Variants in SAMD12 observed in about 807,000 individuals in gnomAD.
SAMD12 encodes the protein sterile alpha motif domain containing 12.
SAMD12 carries 9 observed loss-of-function variants against 15.0 expected under a neutral mutation model. That is an observed-to-expected ratio of 0.60 (90% CI 0.36 to 1.05). SAMD12 has a LOEUF of 1.05. SAMD12 is among the 50% of genes least tolerant of loss of function. The probability of loss-of-function intolerance (pLI) is 0.01; values close to 1 mark genes in which losing one functional copy is unlikely to be tolerated. For missense variants in SAMD12, 230 were observed against 234.2 expected (o/e 0.98, Z 0.12); for synonymous variants, 86 against 90.1 (o/e 0.96, Z 0.25).
At chr8:118,606,421 G>C (rs1285131418) in intron 1 of SAMD12, among the ~76,000 whole-genome samples, 1 of 152,120 alleles carries the variant, frequency 6.6e-6, no homozygotes, top group Non-Finnish European at 1.5e-5. Flanking sequence ...TGTTCCAGCT[G>C]CCAGTGCATC....
intron 4 of SAMD12, among the ~76,000 whole-genome samples, chr8:118,353,908 C>T (rs979079294): frequency 2.6e-5 from 4 of 152,158 alleles, no homozygotes; most frequent in African/African-American, 4.8e-5. Context: ...ACCCCGCTTG[C>T]GCCTGACAGT....
At chr8:118,487,807 T>G (rs2131006944) in intron 2 of SAMD12, among the ~76,000 whole-genome samples, 1 of 152,266 alleles carries the variant, frequency 6.6e-6, no homozygotes, top group Middle Eastern at 3.4e-3. Context: ...TAGGTCCACT[T>G]TTCTCTCGAT....
chr8:118,214,688 A>C (rs1323019436), intron 4 of SAMD12, among the ~76,000 whole-genome samples: 1 of 152,234 alleles, frequency 6.6e-6, no homozygotes, highest in African/African-American at 2.4e-5. Flanking sequence ...AAAGTCATTT[A>C]AGTTAACTTA....
At chr8:118,263,723 G>A (rs1038673992) in intron 4 of SAMD12, among the ~76,000 whole-genome samples, 1 of 152,112 alleles carries the variant, frequency 6.6e-6, no homozygotes, top group African/African-American at 2.4e-5. Context: ...TACAATGGAA[G>A]AATTGTATAT....
At chr8:118,413,863 T>C (rs1313353180) in intron 3 of SAMD12, among the ~76,000 whole-genome samples, 1 of 145,428 alleles carries the variant, frequency 6.9e-6, no homozygotes, top group African/African-American at 2.6e-5. Flanking sequence ...GTCATTTCTA[T>C]TACTTCAAAT....
chr8:118,177,351 C>G, the SAMD12 span, among the ~76,000 whole-genome samples: 66 of 151,920 alleles, frequency 4.3e-4, no homozygotes, highest in Middle Eastern at 6.8e-3. Context: ...AGCCATCATC[C>G]TGTTTCAGCC....
intron 2 of SAMD12, among the ~76,000 whole-genome samples, chr8:118,533,458 A>C (rs908786020): frequency 7.9e-5 from 12 of 152,230 alleles, no homozygotes; most frequent in African/African-American, 2.6e-4. Flanking sequence ...TATTAGGTCC[A>C]CTTGGTGCAG....
In SAMD12 at chr8:118,379,534, C is replaced by A. The variant is rs781362790; in HGVS notation, c.489G>T (p.Trp163Cys). 6.2e-7 allele frequency: 1 copy of A among 1,613,868 alleles called. No homozygotes were observed. Among genetic ancestry groups the A allele is most frequent in the Non-Finnish European group, 8.5e-7 (1 of 1,179,808 alleles). The change falls in exon 4 of 4, where the codon TGG becomes TGT. Residue 163 changes from tryptophan (W) to cysteine (C), a missense_variant. Coordinates refer to ENST00000314727, the MANE Select transcript of SAMD12 (RefSeq NM_207506.3). ...TCTTTCTTCTAATCTCCCCATCCAT[C>A]CACCCATCAGGAAGCAATAGGGTAC... ...TQGTLLLPDG[W>C]MDGEIRRKTT...
chr8:118,392,145 T>G lies in SAMD12; in HGVS notation c.323-12445A>C, dbSNP rs181385571. ...GCGGTAAGCACAATAAAAAGTACTG[T>G]TGGCTGGGCGCAGTGGCTCACGCCT... On this transcript the variant is annotated intron_variant, in intron 3 of 3. Coordinates refer to ENST00000314727, the MANE Select transcript of SAMD12 (RefSeq NM_207506.3). 4.5e-4 allele frequency among the ~76,000 whole-genome samples: 69 copies of G among 152,296 alleles called. 1 individual carries two copies. Among genetic ancestry groups the G allele is most frequent in the African/African-American group, 1.5e-3 (61 of 41,580 alleles).
At chr8:118,161,310 G>A in the SAMD12 span, among the ~76,000 whole-genome samples, 13 of 152,264 alleles carry the variant, frequency 8.5e-5, no homozygotes, top group East Asian at 7.7e-4. Context: ...AAGACACTGC[G>A]TGTTGGCTCA....
chr8:118,530,907 T>C (rs1825667280), intron 2 of SAMD12, among the ~76,000 whole-genome samples: 1 of 152,188 alleles, frequency 6.6e-6, no homozygotes, highest in African/African-American at 2.4e-5. Context: ...AGTGATGCAA[T>C]CATAGCACAC....
intron 1 of SAMD12, among the ~76,000 whole-genome samples, chr8:118,603,240 A>C (rs1827902162): frequency 6.6e-6 from 1 of 152,200 alleles, no homozygotes; most frequent in Non-Finnish European, 1.5e-5. Context: ...AAACAATCCC[A>C]GAAATGAACA....
chr8:118,344,894 A>G (rs1445011959), intron 4 of SAMD12, among the ~76,000 whole-genome samples: 3 of 152,228 alleles, frequency 2.0e-5, no homozygotes, highest in Non-Finnish European at 4.4e-5. Flanking sequence ...CTTATCACCT[A>G]GTAACATCAT....
chr8:118,514,606 C>T (rs1396183465), intron 2 of SAMD12, among the ~76,000 whole-genome samples: 1 of 152,186 alleles, frequency 6.6e-6, no homozygotes, highest in Non-Finnish European at 1.5e-5. Flanking sequence ...AATCATTATG[C>T]TCTTCGCACA....
At chr8:118,140,542 G>C in the SAMD12 span, among the ~76,000 whole-genome samples, 5 of 152,330 alleles carry the variant, frequency 3.3e-5, no homozygotes, top group Non-Finnish European at 5.9e-5. Flanking sequence ...AAAGTGCTGA[G>C]ATTATAGGTG....
chr8:118,577,374 T>A (rs1190534685), intron 2 of SAMD12, among the ~76,000 whole-genome samples: 1 of 152,120 alleles, frequency 6.6e-6, no homozygotes, highest in African/African-American at 2.4e-5. Context: ...ATGAAAGCAA[T>A]ACAAATTTCA....
At chr8:118,241,924 T>A (rs575583569) in intron 4 of SAMD12, among the ~76,000 whole-genome samples, 1 of 152,250 alleles carries the variant, frequency 6.6e-6, no homozygotes, top group South Asian at 2.1e-4. Context: ...TGTATTTATT[T>A]ATTTGGAGAC....
At chr8:118,200,757 T>C (rs1242924411) in intron 4 of SAMD12, among the ~76,000 whole-genome samples, 1 of 152,254 alleles carries the variant, frequency 6.6e-6, no homozygotes, top group Admixed American at 6.5e-5. Context: ...GGTCCCCATT[T>C]ACTCAGGCTG....
At chr8:118,495,203 G>A (rs1824573980) in intron 2 of SAMD12, among the ~76,000 whole-genome samples, 1 of 152,186 alleles carries the variant, frequency 6.6e-6, no homozygotes, top group Non-Finnish European at 1.5e-5. Context: ...AAGCAATTGT[G>A]TCAACTGAAG....
Sources: allele counts gnomAD v4.1 joint callset (sites outside exome capture counted in the v4.1 genomes callset), GRCh38; gene constraint gnomAD v4.1.1; transcripts MANE v1.5; gene names NCBI Gene and HGNC (gene_info 2026-07-23, HGNC 2026-07-21).